Variants in DHX29 observed in about 807,000 individuals in gnomAD.
DHX29 encodes ATP-dependent RNA helicase DHX29.
Under a neutral mutation model 167.9 loss-of-function variants are expected in DHX29, and 79 were observed. The observed-to-expected ratio is 0.47, with a 90% CI of 0.39 to 0.57. The LOEUF (loss-of-function observed/expected upper bound fraction) is 0.57, where lower values mean the gene tolerates loss of function less well. Among genes scored for constraint, DHX29 ranks in the 20% least tolerant of loss-of-function variants. The probability of loss-of-function intolerance (pLI) is 0.00; values close to 1 mark genes in which losing one functional copy is unlikely to be tolerated. For synonymous variants in DHX29, 530 were observed against 546.0 expected, an observed-to-expected ratio of 0.97 and a Z score of 0.41; for missense variants, 1,347 against 1,593.4, an observed-to-expected ratio of 0.85 and a Z score of 2.63.
At chr5:55,304,404 C>T (rs1056574844) in intron 1 of DHX29, among the ~76,000 whole-genome samples, 2 of 151,354 alleles carry the variant, frequency 1.3e-5, no homozygotes, top group African/African-American at 4.9e-5. Flanking sequence ...CTCCGCCTCC[C>T]GGGTTCACGC....
chr5:55,286,436 G>A (rs1747734112), intron 8 of DHX29, among the ~76,000 whole-genome samples: 1 of 152,016 alleles, frequency 6.6e-6, no homozygotes, highest in South Asian at 2.1e-4. Context: ...GATGAACTTA[G>A]GATACTACAA....
chr5:55,291,816 G>T (rs571881117), intron 6 of DHX29, among the ~76,000 whole-genome samples: 1 of 152,262 alleles, frequency 6.6e-6, no homozygotes, highest in East Asian at 1.9e-4. Flanking sequence ...CATAATGTCG[G>T]TCGAGGTCCA....
At chr5:55,269,302 T>C (rs1011551155) in intron 21 of DHX29, 111 bp downstream of exon 21, 6 of 962,736 alleles carry the variant, frequency 6.2e-6, no homozygotes, top group African/African-American at 3.3e-5. Flanking sequence ...AATGTTCGTA[T>C]AGACATTCTA....
chr5:55,294,412 C>T (rs1748202560), intron 5 of DHX29, among the ~76,000 whole-genome samples: 1 of 152,192 alleles, frequency 6.6e-6, no homozygotes, highest in South Asian at 2.1e-4. Flanking sequence ...CGGTGGCTCA[C>T]GCTTGTAATC....
intron 4 of DHX29, among the ~76,000 whole-genome samples, chr5:55,295,933 T>A (rs543449181): frequency 2.5e-4 from 38 of 152,152 alleles, no homozygotes; most frequent in Non-Finnish European, 4.3e-4. Context: ...TCAAGGACAG[T>A]CCTAATTTCT....
In DHX29 at chr5:55,289,365, T is replaced by G; in HGVS notation, c.971A>C (p.Asn324Thr). Residue 324 changes from asparagine (N) to threonine (T), a missense_variant, in exon 8 of 27, where the codon AAT becomes ACT. Around this residue, in one of 3 missense-constraint regions of DHX29, gnomAD observed 405 missense variants for 416.8 expected, o/e 0.97. Transcript: ENST00000251636. ...NPAMKISHQQ[N>T]ERKKPPVATE... The stretch of plus-strand genomic sequence containing the variant: ...GGCTACAGGAGGCTTTTTCCTTTCA[T>G]TTTGTTGATGTGAAATCTTCATGGC... The G allele has an allele frequency of 6.2e-7, 1 of 1,601,884 alleles. No homozygotes were observed. Among genetic ancestry groups the G allele is most frequent in the Non-Finnish European group, 8.5e-7 (1 of 1,176,264 alleles).
At chr5:55,287,610 A>C (rs1392840020) in intron 8 of DHX29, among the ~76,000 whole-genome samples, 3 of 152,162 alleles carry the variant, frequency 2.0e-5, no homozygotes, top group Admixed American at 1.3e-4. Flanking sequence ...TTAACTAAAA[A>C]ACTTCTACAG....
intron 12 of DHX29, among the ~76,000 whole-genome samples, chr5:55,280,463 GA>G (rs1194675692): frequency 2.6e-5 from 4 of 151,378 alleles, no homozygotes; most frequent in African/African-American, 7.3e-5. Flanking sequence ...ATGGTAATAA[GA>G]AAAAAAAATT....
At chr5:55,271,490 G>A (rs1364531785) in intron 18 of DHX29, among the ~76,000 whole-genome samples, 1 of 152,186 alleles carries the variant, frequency 6.6e-6, no homozygotes, top group Admixed American at 6.5e-5. Context: ...AACATTAGCC[G>A]AGTGTGGTGG....
chr5:55,273,151 G>T, intron 17 of DHX29, 142 bp downstream of exon 17: 1 of 737,062 alleles, frequency 1.4e-6, no homozygotes, highest in Non-Finnish European at 2.0e-6. Flanking sequence ...TTCTGATGAT[G>T]GCAAGGTGCA....
intron 1 of DHX29, among the ~76,000 whole-genome samples, chr5:55,305,895 A>T (rs1009736817): frequency 1.5e-4 from 23 of 152,212 alleles, no homozygotes; most frequent in African/African-American, 5.5e-4. Context: ...ATGGAAATAG[A>T]TGAACACTCC....
chr5:55,277,279 G>C lies in DHX29; in HGVS notation c.2113C>G (p.His705Asp). 1 of 1,588,306 alleles carries C rather than the reference G, an allele frequency of 6.3e-7. No homozygotes were observed. The highest frequency in any genetic ancestry group is 8.6e-7 in the Non-Finnish European group (1 of 1,166,210). Residue 705 changes from histidine (H) to aspartate (D), a missense_variant, in exon 13 of 27, where the codon CAT becomes GAT. Transcript: ENST00000251636. ...NVSHVIVDEVHERSVQSDFLL... is the reference protein window; with the variant it reads ...NVSHVIVDEVDERSVQSDFLL... ...AAGTCTGACTGGACACTTCTTTCAT[G>C]AACCTAGTTTTAAAAAGGGAATAAA...
At chr5:55,270,178 G>T (rs1451410304) in intron 20 of DHX29, among the ~76,000 whole-genome samples, 1 of 152,022 alleles carries the variant, frequency 6.6e-6, no homozygotes, top group African/African-American at 2.4e-5. Context: ...AGTGCCCCCA[G>T]TTGAGAACTA....
intron 23 of DHX29, among the ~76,000 whole-genome samples, chr5:55,264,335 C>G (rs1746451006): frequency 6.6e-6 from 1 of 152,144 alleles, no homozygotes; most frequent in African/African-American, 2.4e-5. Flanking sequence ...GCTAAACCAT[C>G]TGGTTTCCGT....
rs1225284621 is a variant in DHX29 at position 55,269,520 on chromosome 5, C to G, written c.3187G>C (p.Glu1063Gln). 3 of 1,614,116 alleles carry G rather than the reference C, an allele frequency of 1.9e-6. No individual in the cohort carries two copies. The South Asian group carries it at 3.3e-5, about 18-fold the overall frequency. The change falls in exon 21 of 27, where the codon GAG (glutamate) becomes CAG (glutamine). Residue 1063 changes from glutamate (E) to glutamine (Q), a missense_variant. This residue lies in a region of DHX29 where 882 missense variants were observed against 1,082.4 expected (regional missense o/e 0.81). Coordinates refer to ENST00000251636, the MANE Select transcript of DHX29 (RefSeq NM_019030.4). Reference sequence around the variant, plus strand: ...TGGCCCAACGGAGTCAGTTTAGGCTCATTTAATTCACAAGCTCCAATTTTT... The same window carrying G: ...TGGCCCAACGGAGTCAGTTTAGGCTGATTTAATTCACAAGCTCCAATTTTT... ...LRKIGACELN[E>Q]PKLTPLGQHL...
intron 13 of DHX29, 74 bp from the exon 14 acceptor site, chr5:55,276,480 GACACC>G: frequency 8.6e-7 from 1 of 1,168,068 alleles, no homozygotes; most frequent in African/African-American, 1.6e-5. Flanking sequence ...GAGAACAGGG[GACACC>G]ACCTTTTGAA....
Position 55,281,509 on chromosome 5 carries a change from A to C in DHX29, c.1972T>G (p.Leu658Val). The change falls in exon 12 of 27, where the codon TTG becomes GTG. Residue 658 changes from leucine (L) to valine (V), a missense_variant. By Grantham distance (32) the Leu-to-Val change is conservative (BLOSUM62 1). Around this residue, in one of 3 missense-constraint regions of DHX29, gnomAD observed 882 missense variants for 1,082.4 expected, o/e 0.81. Coordinates refer to ENST00000251636, the MANE Select transcript of DHX29 (RefSeq NM_019030.4). ...TCCATCCGGATCTGATATCCACACA[A>C]GGAATTCTAAAGGGAGAACATAAGG... ...CENGPGGRNS[L>V]CGYQIRMESR... 1 of 1,583,708 alleles carries C rather than the reference A, an allele frequency of 6.3e-7. No individual in the cohort carries two copies. The highest frequency in any genetic ancestry group is 8.6e-7 in the Non-Finnish European group (1 of 1,166,124).
rs199765941 is a variant in DHX29, at chr5:55,267,707, G to A, written c.3410C>T (p.Thr1137Met). Reference protein sequence around the residue: ...ALAMADSDHLTIYNAYLGWKK... With the variant: ...ALAMADSDHLMIYNAYLGWKK... ...TTACCCTAGATATGCATTGTAGATC[G>A]TCAGGTGGTCTGAATCCGCCATGGC... Residue 1137 changes from threonine (T) to methionine (M), a missense_variant, in exon 22 of 27, where the codon ACG (threonine) becomes ATG (methionine). Coordinates refer to ENST00000251636, the MANE Select transcript of DHX29 (RefSeq NM_019030.4). The A allele has an allele frequency of 5.9e-5, 94 of 1,596,708 alleles. No individual in the cohort carries two copies. The highest frequency in any genetic ancestry group is 2.2e-4 in the Middle Eastern group (1 of 4,548).
At chr5:55,300,048 AG>A (rs1209326063) in intron 1 of DHX29, among the ~76,000 whole-genome samples, 1 of 152,246 alleles carries the variant, frequency 6.6e-6, no homozygotes, top group Admixed American at 6.5e-5. Context: ...ATAAATTAAA[AG>A]GGAAATTTTA....
Sources: allele counts gnomAD v4.1 joint callset (sites outside exome capture counted in the v4.1 genomes callset), GRCh38; gene constraint gnomAD v4.1.1; regional missense constraint gnomAD v4.1.1; transcripts MANE v1.5; gene names NCBI Gene and HGNC (gene_info 2026-07-23, HGNC 2026-07-21).